TRAK1: variants seen among roughly 807,000 people sequenced by gnomAD.
The protein encoded by TRAK1 is trafficking kinesin protein 1.
TRAK1 carries 33 observed loss-of-function variants against 92.1 expected under a neutral mutation model. That is an observed-to-expected ratio of 0.36 (90% CI 0.27 to 0.48). The LOEUF is 0.48. Ranked by LOEUF, TRAK1 falls within the 20% of genes least tolerant of loss-of-function variation. The pLI, the probability that TRAK1 is intolerant of heterozygous loss-of-function variation, is 0.99. For missense variants in TRAK1, 1,123 were observed against 1,257.9 expected, an observed-to-expected ratio of 0.89 and a Z score of 1.62; for synonymous variants, 521 against 517.3, an observed-to-expected ratio of 1.01 and a Z score of -0.10.
At chr3:42,113,396 A>ACC (rs1203430473) in intron 1 of TRAK1, among the ~76,000 whole-genome samples, 4 of 28,802 alleles carry the variant, frequency 1.4e-4, no homozygotes, top group African/African-American at 6.6e-4. Context: ...CCCTACCCCT[A>ACC]CCTCTACCCC....
intron 2 of TRAK1, among the ~76,000 whole-genome samples, chr3:42,138,996 T>C (rs571132138): frequency 3.4e-5 from 5 of 147,540 alleles, no homozygotes; most frequent in Non-Finnish European, 5.9e-5. Context: ...TGAGGCAGGG[T>C]TGAATGAAGG....
intron 1 of TRAK1, among the ~76,000 whole-genome samples, chr3:42,036,546 A>G (rs1043231223): frequency 1.3e-5 from 2 of 152,158 alleles, no homozygotes; most frequent in Non-Finnish European, 2.9e-5. Context: ...TTCCCCACAC[A>G]TTTGTGAACC....
chr3:42,165,157 G>C (rs1701705476), intron 2 of TRAK1, among the ~76,000 whole-genome samples: 1 of 152,182 alleles, frequency 6.6e-6, no homozygotes, highest in African/African-American at 2.4e-5. Flanking sequence ...TCTGGAGTTT[G>C]CTGAGTGTTC....
intron 2 of TRAK1, among the ~76,000 whole-genome samples, chr3:42,167,724 C>A (rs1259625651): frequency 6.6e-6 from 1 of 152,066 alleles, no homozygotes; most frequent in Non-Finnish European, 1.5e-5. Flanking sequence ...ACTAAAAATA[C>A]AAAAAATTAG....
chr3:42,104,825 G>A (rs771707384), intron 1 of TRAK1, among the ~76,000 whole-genome samples: 27 of 152,146 alleles, frequency 1.8e-4, no homozygotes, highest in Non-Finnish European at 3.4e-4. Flanking sequence ...CGCCAGCAAC[G>A]GAACAAAGCT....
At chr3:42,070,391 A>AT (rs1018467124) in intron 1 of TRAK1, among the ~76,000 whole-genome samples, 4 of 150,810 alleles carry the variant, frequency 2.7e-5, no homozygotes, top group African/African-American at 4.9e-5. Flanking sequence ...CACTAGTGAC[A>AT]TTTTTTTTCC....
intron 1 of TRAK1, among the ~76,000 whole-genome samples, chr3:42,017,744 AATT>A (rs768590123): frequency 2.8e-4 from 43 of 152,332 alleles, no homozygotes; most frequent in Admixed American, 5.9e-4. Flanking sequence ...AAATTTATTT[AATT>A]ATTATTGTTA....
At chr3:42,157,457 CAAAAAAAA>C (rs60622565) in intron 2 of TRAK1, among the ~76,000 whole-genome samples, 272 of 31,088 alleles carry the variant, frequency 8.7e-3, no homozygotes, top group Non-Finnish European at 0.012. Flanking sequence ...GACCCTGTCT[CAAAAAAAA>C]AAAAAAAAAA....
chr3:42,125,410 T>C lies in TRAK1; in HGVS notation c.92-10T>C, dbSNP rs769988425. 1 of 1,608,660 alleles carries C rather than the reference T, an allele frequency of 6.2e-7. No homozygotes were observed. Reference sequence around the variant, plus strand: ...TCTGGGCTCTCATTTCTTGGTTGTCTTGTCTTTAGATGTGTGCAACAGCAC... The same window carrying C: ...TCTGGGCTCTCATTTCTTGGTTGTCCTGTCTTTAGATGTGTGCAACAGCAC... On this transcript the variant is annotated splice_polypyrimidine_tract_variant and intron_variant, in intron 1 of 15. Coordinates refer to ENST00000327628, the MANE Select transcript of TRAK1 (RefSeq NM_001042646.3).
At chr3:42,109,048 G>T (rs1345576080) in intron 1 of TRAK1, among the ~76,000 whole-genome samples, 1 of 152,194 alleles carries the variant, frequency 6.6e-6, no homozygotes, top group African/African-American at 2.4e-5. Flanking sequence ...TGACCTCCGA[G>T]TTCAGGCTCT....
chr3:42,124,691 C>G (rs1003312128), intron 1 of TRAK1, among the ~76,000 whole-genome samples: 2 of 152,296 alleles, frequency 1.3e-5, no homozygotes, highest in East Asian at 3.9e-4. Context: ...GAAATACCCA[C>G]AAGACACTTA....
intron 2 of TRAK1, among the ~76,000 whole-genome samples, chr3:42,131,160 T>G (rs555438509): frequency 6.6e-6 from 1 of 152,204 alleles, no homozygotes; most frequent in South Asian, 2.1e-4. Flanking sequence ...GCATGGAGTT[T>G]AACTGGAATC....
intron 2 of TRAK1, among the ~76,000 whole-genome samples, chr3:42,151,826 GACAC>G (rs1412030686): frequency 1.3e-5 from 2 of 152,140 alleles, no homozygotes; most frequent in Non-Finnish European, 1.5e-5. Flanking sequence ...CAACTCAATA[GACAC>G]ACACCATTGC....
At chr3:42,210,575 G>A in intron 14 of TRAK1, 2 of 1,076,946 alleles carry the variant, frequency 1.9e-6, no homozygotes, top group East Asian at 6.2e-5. Flanking sequence ...CATTCAGAAG[G>A]TAAATGAGAT....
chr3:42,170,759 T>TGACC (rs1702438590), intron 2 of TRAK1, among the ~76,000 whole-genome samples: 2 of 151,852 alleles, frequency 1.3e-5, no homozygotes, highest in Admixed American at 1.3e-4. Context: ...ATTAAAGAAA[T>TGACC]GACCTATATG....
chr3:42,105,942 T>C (rs1453978513), intron 1 of TRAK1, among the ~76,000 whole-genome samples: 5 of 152,142 alleles, frequency 3.3e-5, no homozygotes, highest in African/African-American at 1.2e-4. Flanking sequence ...GAAGGAGAAA[T>C]AAAATCCTCT....
intron 1 of TRAK1, among the ~76,000 whole-genome samples, chr3:42,053,371 CGGGT>C: frequency 9.0e-4 from 1 of 1,110 alleles, no homozygotes; most frequent in African/African-American, 3.8e-3. Context: ...CATTCAGAGT[CGGGT>C]GGGGGGGGGG....
At chr3:42,044,011 C>G (rs925525452) in intron 1 of TRAK1, among the ~76,000 whole-genome samples, 1 of 152,210 alleles carries the variant, frequency 6.6e-6, no homozygotes, top group Non-Finnish European at 1.5e-5. Context: ...CTGGTGGGCC[C>G]TGGGCCTGGG....
At chr3:42,034,049 G>T (rs1030828924) in intron 1 of TRAK1, among the ~76,000 whole-genome samples, 1 of 152,180 alleles carries the variant, frequency 6.6e-6, no homozygotes, top group Non-Finnish European at 1.5e-5. Context: ...CTGAAATCCT[G>T]AGTACAATCA....
Sources: gnomAD v4.1 joint callset for allele counts (sites outside exome capture counted in the v4.1 genomes callset) on GRCh38, gnomAD v4.1.1 for gene constraint, MANE v1.5 for transcripts, NCBI Gene and HGNC (gene_info 2026-07-23, HGNC 2026-07-21) for gene names.